Variants in ST8SIA6 observed in about 807,000 individuals in gnomAD.
The protein encoded by ST8SIA6 is ST8 alpha-N-acetyl-neuraminide alpha-2,8-sialyltransferase 6, also known as alpha-2,8-sialyltransferase 8F.
Under a neutral mutation model 33.6 loss-of-function variants are expected in ST8SIA6, and 39 were observed. That is an observed-to-expected ratio of 1.16 (90% CI 0.90 to 1.52). The LOEUF (loss-of-function observed/expected upper bound fraction) is 1.52. Ranked by LOEUF, ST8SIA6 falls within the 40% of genes most tolerant of loss-of-function variation. The pLI is 0.00. For synonymous variants in ST8SIA6, 172 were observed against 167.2 expected, an observed-to-expected ratio of 1.03 and a Z score of -0.22; for missense variants, 441 against 443.8, an observed-to-expected ratio of 0.99 and a Z score of 0.06.
chr10:17,437,431 CA>C (rs756722363), intron 2 of ST8SIA6, among the ~76,000 whole-genome samples: 24 of 152,152 alleles, frequency 1.6e-4, no homozygotes, highest in Non-Finnish European at 2.5e-4. Flanking sequence ...CTTGGCCTCC[CA>C]AAGTGCTGGG....
intron 2 of ST8SIA6, among the ~76,000 whole-genome samples, chr10:17,429,914 A>G (rs573736997): frequency 6.6e-6 from 1 of 151,992 alleles, no homozygotes; most frequent in African/African-American, 2.4e-5. Flanking sequence ...TTTTTATTTC[A>G]ATAGTTTTTG....
intron 3 of ST8SIA6, among the ~76,000 whole-genome samples, chr10:17,378,290 T>C (rs1444523): frequency 0.37 from 56,361 of 151,986 alleles, 10,687 homozygotes; most frequent in East Asian, 0.6. Context: ...AGAATTTTCA[T>C]CCTCGCTCAC....
chr10:17,335,739 T>G (rs567363018), intron 4 of ST8SIA6, among the ~76,000 whole-genome samples: 2 of 152,296 alleles, frequency 1.3e-5, no homozygotes, highest in Admixed American at 1.3e-4. Flanking sequence ...TGATAAAAAT[T>G]TGTGTGACAT....
chr10:17,360,095 T>C (rs143795492), intron 3 of ST8SIA6, among the ~76,000 whole-genome samples: 1 of 152,268 alleles, frequency 6.6e-6, no homozygotes, highest in African/African-American at 2.4e-5. Context: ...GAGAAGTTTA[T>C]TGACATAAAA....
intron 3 of ST8SIA6, among the ~76,000 whole-genome samples, chr10:17,379,126 C>CAA (rs1279101422): frequency 2.0e-5 from 2 of 101,536 alleles, no homozygotes; most frequent in African/African-American, 1.1e-4. Flanking sequence ...GACTCTGTCT[C>CAA]AAAAAAAAAA....
intron 2 of ST8SIA6, among the ~76,000 whole-genome samples, chr10:17,429,187 A>G (rs1852026957): frequency 6.6e-6 from 1 of 151,936 alleles, no homozygotes; most frequent in Non-Finnish European, 1.5e-5. Flanking sequence ...CTTACAATTT[A>G]TGATCGCTTA....
chr10:17,350,196 C>G (rs1848984550), intron 4 of ST8SIA6, among the ~76,000 whole-genome samples: 1 of 152,078 alleles, frequency 6.6e-6, no homozygotes, highest in Non-Finnish European at 1.5e-5. Flanking sequence ...TCATGGTGAC[C>G]AGTTTGAAGG....
In ST8SIA6 at chr10:17,333,717, A is replaced by ATATATAGATATATATATATATTTTT. The variant is rs1251981910; in HGVS notation, c.378-2166_378-2165insAAAAATATATATATATATCTATATA. Among the ~76,000 whole-genome samples, 29 of 33,770 alleles carry ATATATAGATATATATATATATTTTT rather than the reference A, an allele frequency of 8.6e-4. 1 individual carries two copies. Among genetic ancestry groups the ATATATAGATATATATATATATTTTT allele is most frequent in the African/African-American group, 5.1e-3 (29 of 5,722 alleles). 22.2% of individuals were successfully genotyped at this position (33,770 alleles called of 152,430 possible). On this transcript the variant is annotated intron_variant, in intron 4 of 7. Transcript: ENST00000377602. ...TATATATATATATATATATATATAT[A>ATATATAGATATATATATATATTTTT]TTTTTTTTTTTTTTTTTTTTTTTTG...
chr10:17,336,859 G>C (rs1848515793), intron 4 of ST8SIA6, among the ~76,000 whole-genome samples: 1 of 152,100 alleles, frequency 6.6e-6, no homozygotes, highest in South Asian at 2.1e-4. Flanking sequence ...CTCCAAAAGT[G>C]CTGGGATTAC....
intron 2 of ST8SIA6, among the ~76,000 whole-genome samples, chr10:17,431,863 TAGG>T (rs1852113058): frequency 6.6e-6 from 1 of 151,886 alleles, no homozygotes; most frequent in Admixed American, 6.6e-5. Flanking sequence ...CGCTGCCTAG[TAGG>T]AGGAGATAGA....
intron 3 of ST8SIA6, among the ~76,000 whole-genome samples, chr10:17,370,218 C>T (rs190897959): frequency 3.6e-4 from 55 of 152,230 alleles, no homozygotes; most frequent in Non-Finnish European, 6.9e-4. Context: ...CTCCTGACCT[C>T]GTGATCCGTC....
At chr10:17,433,162 T>C (rs1413227199) in intron 2 of ST8SIA6, among the ~76,000 whole-genome samples, 1 of 152,196 alleles carries the variant, frequency 6.6e-6, no homozygotes, top group Non-Finnish European at 1.5e-5. Flanking sequence ...GGCTTCTTTA[T>C]ATGACTCAGG....
At position 17,380,984 on chromosome 10, in the gene ST8SIA6, G is replaced by GT. The variant is rs372933259; in HGVS notation, c.290+9546dup. ...TTGAAAGGCCTTCATGTTTTGAGGG[G>GT]TTTTTTTTGTTTTTCTCTCCTAAGA... On this transcript the variant is annotated intron_variant, in intron 3 of 7. Transcript: ENST00000377602. 2.8e-4 allele frequency among the ~76,000 whole-genome samples: 38 copies of GT among 136,960 alleles called. No homozygotes were observed. In the South Asian group the frequency reaches 3.0e-3, roughly 11 times the overall value. 89.9% of individuals were successfully genotyped at this position (136,960 alleles called of 152,430 possible). A position where few individuals can be genotyped will look rare whatever the true frequency, so the allele number is the denominator to read the frequency against.
intron 2 of ST8SIA6, among the ~76,000 whole-genome samples, chr10:17,415,803 CTTTTTTTTTTTT>C (rs968920842): frequency 2.2e-5 from 2 of 92,232 alleles, no homozygotes; most frequent in African/African-American, 9.6e-5. Context: ...CCTCACTTGT[CTTTTTTTTTTTT>C]TTTTTTTTTT....
chr10:17,323,172 G>A lies in ST8SIA6; in HGVS notation c.636-15C>T. On this transcript the variant is annotated splice_polypyrimidine_tract_variant and intron_variant, in intron 6 of 7. Transcript: ENST00000377602. ...GTAGGTTACACCTGAAATTTGAAAAGAAAATCATTTTCAAAATAGAACTTG... is the reference window on the plus strand; with the variant it reads ...GTAGGTTACACCTGAAATTTGAAAAAAAAATCATTTTCAAAATAGAACTTG... 1.2e-6 allele frequency: 2 copies of A among 1,604,774 alleles called. No homozygotes were observed. Among genetic ancestry groups the A allele is most frequent in the Non-Finnish European group, 1.7e-6 (2 of 1,173,602 alleles).
chr10:17,384,235 A>T (rs1850257666), intron 3 of ST8SIA6, among the ~76,000 whole-genome samples: 1 of 149,858 alleles, frequency 6.7e-6, no homozygotes, highest in Non-Finnish European at 1.5e-5. Flanking sequence ...CAGGCACAGT[A>T]CCCCCAGGAT....
At chr10:17,323,229 G>GCGCACGCGCACACACA (rs112083592) in intron 6 of ST8SIA6, 72 bp from the exon 7 acceptor site, 10 of 794,406 alleles carry the variant, frequency 1.3e-5, no homozygotes, top group African/African-American at 3.6e-5. Flanking sequence ...ACATATGCGC[G>GCGCACGCGCACACACA]CACACACACA....
At chr10:17,392,030 T>C (rs1314458765) in intron 2 of ST8SIA6, among the ~76,000 whole-genome samples, 1 of 152,238 alleles carries the variant, frequency 6.6e-6, no homozygotes, top group Non-Finnish European at 1.5e-5. Context: ...AATGCATTTA[T>C]TTCATCATCC....
At chr10:17,397,608 G>C (rs529769231) in intron 2 of ST8SIA6, among the ~76,000 whole-genome samples, 1 of 152,088 alleles carries the variant, frequency 6.6e-6, no homozygotes, top group Non-Finnish European at 1.5e-5. Flanking sequence ...GATGTGCTCC[G>C]TACTCCTTAT....
Sources: gnomAD v4.1 joint callset for allele counts (sites outside exome capture counted in the v4.1 genomes callset) on GRCh38, gnomAD v4.1.1 for gene constraint, MANE v1.5 for transcripts, NCBI Gene and HGNC (gene_info 2026-07-23, HGNC 2026-07-21) for gene names.